AMD1: variants seen among roughly 807,000 people sequenced by gnomAD.
The protein encoded by AMD1 is adenosylmethionine decarboxylase 1.
Under a neutral mutation model 40.2 loss-of-function variants are expected in AMD1, and 11 were observed. The observed-to-expected ratio is 0.27, with a 90% CI of 0.17 to 0.45. AMD1 has a LOEUF of 0.45. Ranked by LOEUF, AMD1 falls within the 20% of genes least tolerant of loss-of-function variation. The probability of loss-of-function intolerance (pLI) is 1.00; values close to 1 mark genes in which losing one functional copy is unlikely to be tolerated. For synonymous variants in AMD1, 121 were observed against 130.8 expected, an observed-to-expected ratio of 0.93 and a Z score of 0.51; for missense variants, 257 against 410.2, an observed-to-expected ratio of 0.63 and a Z score of 3.23.
chr6:110,833,072 C>T, the AMD1 span, among the ~76,000 whole-genome samples: 326 of 152,250 alleles, frequency 2.1e-3, 1 homozygote, highest in African/African-American at 7.5e-3. Context: ...CCACCTGCCT[C>T]GTCCTCCCAA....
Position 110,892,434 on chromosome 6 carries a change from T to C in AMD1, c.606T>C (p.Asp202=). The part of the protein sequence containing the change: ...FYMKDGVTAK[D]VTRESGIRDL... ...TGAAAGATGGTGTTACTGCAAAGGA[T>C]GTCACTCGTGTAAGCATTTTTAGTA... The change falls in exon 6 of 9, where the codon GAT becomes GAC. Residue 202 remains aspartate, a synonymous_variant. Coordinates refer to ENST00000368885, the MANE Select transcript of AMD1 (RefSeq NM_001634.6). 1.2e-6 allele frequency: 2 copies of C among 1,612,218 alleles called. No homozygotes were observed. Among genetic ancestry groups the C allele is most frequent in the South Asian group, 1.1e-5 (1 of 90,992 alleles).
At chr6:110,838,882 C>A in the AMD1 span, among the ~76,000 whole-genome samples, 1 of 152,122 alleles carries the variant, frequency 6.6e-6, no homozygotes, top group Non-Finnish European at 1.5e-5. Context: ...GATTCTCCTG[C>A]CTCAGCCTCC....
the AMD1 span, among the ~76,000 whole-genome samples, chr6:110,837,573 T>G: frequency 6.7e-6 from 1 of 149,336 alleles, no homozygotes. Flanking sequence ...TAGCCAAGTG[T>G]GATGGCAGGT....
the AMD1 span, chr6:110,858,917 G>A: frequency 8.7e-6 from 8 of 916,104 alleles, no homozygotes; most frequent in East Asian, 1.9e-4. Flanking sequence ...TCCGGGACCC[G>A]GTTGACACCA....
chr6:110,868,200 T>C, the AMD1 span, among the ~76,000 whole-genome samples: 6 of 151,896 alleles, frequency 4.0e-5, no homozygotes, highest in Non-Finnish European at 8.8e-5. Context: ...CAGGCTGGAG[T>C]ACAGTGGTGC....
At chr6:110,814,796 C>G in the AMD1 span, 1 of 690,732 alleles carries the variant, frequency 1.4e-6, no homozygotes, top group Non-Finnish European at 2.6e-6. Context: ...TCGGACCGGG[C>G]TGCGCCGCGG....
the AMD1 span, among the ~76,000 whole-genome samples, chr6:110,851,591 T>G: frequency 5.1e-4 from 77 of 152,160 alleles, no homozygotes; most frequent in Admixed American, 5.0e-3. Context: ...GCCTCCTGAG[T>G]GGCTGGGATT....
the AMD1 span, among the ~76,000 whole-genome samples, chr6:110,826,271 CAAAAA>C: frequency 1.7e-5 from 1 of 59,342 alleles, no homozygotes. Flanking sequence ...GACACCATCC[CAAAAA>C]AAAAAAAAAA....
intron 4 of AMD1, 120 bp downstream of exon 4, chr6:110,890,476 GC>G: frequency 2.8e-6 from 2 of 726,056 alleles, no homozygotes; most frequent in Non-Finnish European, 4.5e-6. Flanking sequence ...ACTAATACTT[GC>G]TTTTCTTGTG....
At chr6:110,867,423 G>A in the AMD1 span, among the ~76,000 whole-genome samples, 1 of 152,100 alleles carries the variant, frequency 6.6e-6, no homozygotes, top group Admixed American at 6.6e-5. Context: ...CCAGCACTTT[G>A]GGAGGCTGAG....
At chr6:110,846,171 A>G in the AMD1 span, among the ~76,000 whole-genome samples, 474 of 152,248 alleles carry the variant, frequency 3.1e-3, no homozygotes, top group Non-Finnish European at 4.6e-3. Context: ...CCTAGGAGGC[A>G]GAGGTTTCAG....
the AMD1 span, among the ~76,000 whole-genome samples, chr6:110,846,402 C>A: frequency 6.6e-5 from 10 of 152,088 alleles, no homozygotes; most frequent in Admixed American, 6.6e-4. Flanking sequence ...AAATAGCTAT[C>A]CTGAATTATA....
chr6:110,867,448 G>A, the AMD1 span, among the ~76,000 whole-genome samples: 2 of 152,150 alleles, frequency 1.3e-5, no homozygotes, highest in Non-Finnish European at 2.9e-5. Flanking sequence ...GGGATCACTT[G>A]AGGTCAGGAG....
In AMD1 at chr6:110,885,897, T is replaced by C. The variant is rs1785653820; in HGVS notation, c.111-1608T>C. Among the ~76,000 whole-genome samples, 5 of 152,186 alleles carry C rather than the reference T, an allele frequency of 3.3e-5. No homozygotes were observed. The South Asian group carries it at 8.3e-4, about 25-fold the overall frequency. ...GCATGTTTGGTGTTGTGTTTGCTTTTTAATACAAACGAATAAAAACATTTT... is the reference window on the plus strand; with the variant it reads ...GCATGTTTGGTGTTGTGTTTGCTTTCTAATACAAACGAATAAAAACATTTT... On this transcript the variant is annotated intron_variant, in intron 1 of 8. Coordinates refer to ENST00000368885, the MANE Select transcript of AMD1 (RefSeq NM_001634.6).
the AMD1 span, chr6:110,858,349 G>C: frequency 1.2e-6 from 1 of 814,580 alleles, no homozygotes; most frequent in African/African-American, 1.7e-5. Context: ...TCCGCAGCTG[G>C]ATCGAGGGAC....
At chr6:110,844,623 C>T in the AMD1 span, among the ~76,000 whole-genome samples, 2 of 151,320 alleles carry the variant, frequency 1.3e-5, no homozygotes, top group Non-Finnish European at 3.0e-5. Flanking sequence ...CTACTAAAAA[C>T]ACAAAAAATT....
chr6:110,870,341 A>G (rs193158371), upstream of AMD1, among the ~76,000 whole-genome samples: 1 of 152,140 alleles, frequency 6.6e-6, no homozygotes, highest in African/African-American at 2.4e-5. Context: ...AATTGAATCT[A>G]AGGCCAGGTG....
rs1785333398 is a variant in AMD1 at position 110,880,302 on chromosome 6, T to C, written c.110+5087T>C. On this transcript the variant is annotated intron_variant, in intron 1 of 8. Transcript: ENST00000368885. Reference sequence around the variant, plus strand: ...GATATTGACCCCTTATGAGGTGACTTGCAAGTATTTTATTCTGTAGGTTGT... The same window carrying C: ...GATATTGACCCCTTATGAGGTGACTCGCAAGTATTTTATTCTGTAGGTTGT... 2.6e-5 allele frequency among the ~76,000 whole-genome samples: 4 copies of C among 152,292 alleles called. No homozygotes were observed. The South Asian group carries it at 8.3e-4, about 32-fold the overall frequency.
chr6:110,892,029 C>G, intron 4 of AMD1, 132 bp from the exon 5 acceptor site: 1 of 1,085,276 alleles, frequency 9.2e-7, no homozygotes, highest in Admixed American at 1.8e-5. Context: ...AGCTACTATG[C>G]CCAGTCCACT....
Sources: allele counts gnomAD v4.1 joint callset (sites outside exome capture counted in the v4.1 genomes callset), GRCh38; gene constraint gnomAD v4.1.1; transcripts MANE v1.5; gene names NCBI Gene and HGNC (gene_info 2026-07-23, HGNC 2026-07-21).